The following NCAM2 variants were observed in gnomAD, a reference collection of about 807,000 sequenced individuals.
The protein encoded by NCAM2 is N-CAM-2.
NCAM2 carries 30 observed loss-of-function variants against 98.1 expected under a neutral mutation model. The observed-to-expected ratio is 0.31, with a 90% CI of 0.23 to 0.41. The LOEUF is 0.41. Among genes scored for constraint, NCAM2 ranks in the 10% least tolerant of loss-of-function variants. The pLI, the probability that NCAM2 is intolerant of heterozygous loss-of-function variation, is 1.00. For synonymous variants in NCAM2, 368 were observed against 342.4 expected (o/e 1.07, Z -0.83); for missense variants, 867 against 1,005.8 (o/e 0.86, Z 1.87).
intron 9 of NCAM2, among the ~76,000 whole-genome samples, chr21:21,397,885 A>C (rs1051902932): frequency 6.6e-6 from 1 of 152,210 alleles, no homozygotes; most frequent in Non-Finnish European, 1.5e-5. Context: ...CTGTGTGGAG[A>C]TTCCTTAAAG....
At chr21:21,154,466 ATAT>A (rs1406208566) in intron 1 of NCAM2, among the ~76,000 whole-genome samples, 1 of 151,906 alleles carries the variant, frequency 6.6e-6, no homozygotes, top group Non-Finnish European at 1.5e-5. Context: ...AAAGAGTTTT[ATAT>A]TAGTTAAAGA....
intron 6 of NCAM2, among the ~76,000 whole-genome samples, chr21:21,331,578 TAG>T (rs1168700185): frequency 2.3e-3 from 5 of 2,150 alleles, no homozygotes; most frequent in Non-Finnish European, 9.0e-3. Context: ...CATATATATA[TAG>T]AGAGAGAGAG....
At chr21:21,120,603 T>G (rs1305006250) in intron 1 of NCAM2, among the ~76,000 whole-genome samples, 2 of 152,214 alleles carry the variant, frequency 1.3e-5, no homozygotes, top group East Asian at 3.8e-4. Flanking sequence ...GGAGCCTGTT[T>G]GTTTTCAAGA....
intron 1 of NCAM2, among the ~76,000 whole-genome samples, chr21:21,100,914 A>T (rs958534784): frequency 2.0e-5 from 3 of 152,030 alleles, no homozygotes; most frequent in African/African-American, 7.2e-5. Context: ...CCTAGTATCC[A>T]GTTTCTAGAG....
chr21:21,374,144 T>C, intron 9 of NCAM2, 131 bp downstream of exon 9: 1 of 771,330 alleles, frequency 1.3e-6, no homozygotes, highest in Non-Finnish European at 1.9e-6. Context: ...AGAGGAAATA[T>C]AGGAATCATT....
At chr21:21,108,589 A>G (rs2066395533) in intron 1 of NCAM2, among the ~76,000 whole-genome samples, 1 of 152,114 alleles carries the variant, frequency 6.6e-6, no homozygotes, top group Non-Finnish European at 1.5e-5. Flanking sequence ...GGCAGGCTAT[A>G]ATTTGAAAAT....
chr21:21,493,549 T>C (rs1044601796), intron 15 of NCAM2, among the ~76,000 whole-genome samples: 1 of 151,940 alleles, frequency 6.6e-6, no homozygotes, highest in Non-Finnish European at 1.5e-5. Context: ...CAGTGGCACA[T>C]TGTAATCACC....
At chr21:21,292,631 AT>A (rs1357977701) in intron 5 of NCAM2, among the ~76,000 whole-genome samples, 1 of 151,922 alleles carries the variant, frequency 6.6e-6, no homozygotes, top group Non-Finnish European at 1.5e-5. Flanking sequence ...TAATAATTAA[AT>A]TTTTAAGGTT....
At chr21:21,480,524 G>A (rs1985781064) in intron 15 of NCAM2, among the ~76,000 whole-genome samples, 1 of 152,146 alleles carries the variant, frequency 6.6e-6, no homozygotes, top group African/African-American at 2.4e-5. Context: ...GTTCTAGGAG[G>A]TGGAAAAGGC....
intron 1 of NCAM2, among the ~76,000 whole-genome samples, chr21:21,116,881 T>G (rs1157782366): frequency 6.6e-6 from 1 of 150,768 alleles, no homozygotes; most frequent in Non-Finnish European, 1.5e-5. Flanking sequence ...AGAAAAGAAA[T>G]ACTCACCATT....
chr21:21,044,900 C>T (rs907508056), intron 1 of NCAM2, among the ~76,000 whole-genome samples: 1 of 151,908 alleles, frequency 6.6e-6, no homozygotes, highest in Admixed American at 6.6e-5. Flanking sequence ...CAGAGAGAGA[C>T]CCTGTCTTAA....
chr21:21,206,059 C>T (rs1306955804), intron 1 of NCAM2, among the ~76,000 whole-genome samples: 1 of 152,086 alleles, frequency 6.6e-6, no homozygotes, highest in Non-Finnish European at 1.5e-5. Context: ...CTCTTAGCAA[C>T]TTATTCAATT....
intron 1 of NCAM2, among the ~76,000 whole-genome samples, chr21:21,270,265 A>T (rs1361157286): frequency 1.3e-5 from 2 of 152,200 alleles, no homozygotes; most frequent in Non-Finnish European, 2.9e-5. Context: ...TTAATTAAAT[A>T]TCACTCTCAA....
intron 1 of NCAM2, among the ~76,000 whole-genome samples, chr21:21,193,245 C>A: frequency 6.6e-6 from 1 of 152,052 alleles, no homozygotes; most frequent in South Asian, 2.1e-4. Flanking sequence ...TATAGGTATG[C>A]AATATTGGTA....
At chr21:21,260,385 C>T (rs116352918) in intron 1 of NCAM2, among the ~76,000 whole-genome samples, 339 of 151,678 alleles carry the variant, frequency 2.2e-3, no homozygotes, top group African/African-American at 7.9e-3. Flanking sequence ...TGACCATAAC[C>T]AAGGTAAATA....
chr21:21,258,758 C>T, intron 1 of NCAM2, among the ~76,000 whole-genome samples: 1 of 152,068 alleles, frequency 6.6e-6, no homozygotes, highest in Non-Finnish European at 1.5e-5. Context: ...TGAGTCCCTG[C>T]ACCTTTAATT....
chr21:21,019,366 A>G (rs2064381916), intron 1 of NCAM2, among the ~76,000 whole-genome samples: 1 of 152,184 alleles, frequency 6.6e-6, no homozygotes, highest in Non-Finnish European at 1.5e-5. Context: ...CAAACTTCAA[A>G]ATATTCTTCC....
At chr21:21,169,165 G>A (rs1056659633) in intron 1 of NCAM2, among the ~76,000 whole-genome samples, 1 of 152,002 alleles carries the variant, frequency 6.6e-6, no homozygotes, top group Non-Finnish European at 1.5e-5. Flanking sequence ...TTTGATAAAG[G>A]AGCAAAGGTA....
rs960841851 is a variant in NCAM2 at position 21,542,572 on chromosome 21, T to C, written c.*4615T>C. ...ACATGAATCTTTTGGCATCTGTTTT[T>C]AGCCTCCCATGGAAGACAGTAAGCA... is the stretch of plus-strand genomic sequence containing the variant. On this transcript the variant is annotated 3_prime_UTR_variant, in exon 18 of 18. Transcript: ENST00000400546. The C allele has an allele frequency of 1.3e-5, 2 of 151,872 alleles. No individual in the cohort carries two copies. Among genetic ancestry groups the C allele is most frequent in the Non-Finnish European group, 2.9e-5 (2 of 67,854 alleles). The allele number at this position is 151,872 out of a possible 1,614,324, so 9.4% of individuals were successfully genotyped here.
Sources: gnomAD v4.1 joint callset for allele counts (sites outside exome capture counted in the v4.1 genomes callset) on GRCh38, gnomAD v4.1.1 for gene constraint, MANE v1.5 for transcripts, NCBI Gene and HGNC (gene_info 2026-07-23, HGNC 2026-07-21) for gene names.